KRIT1: variants seen among roughly 807,000 people sequenced by gnomAD.
KRIT1 encodes krev interaction trapped protein 1.
A neutral mutation model predicts 95.8 loss-of-function variants in KRIT1; 45 were observed. That is an observed-to-expected ratio of 0.47 (90% CI 0.37 to 0.60). KRIT1 has a LOEUF of 0.60. Ranked by LOEUF, KRIT1 falls within the 20% of genes least tolerant of loss-of-function variation. KRIT1 has a pLI of 0.00. For missense variants in KRIT1, 788 were observed against 877.5 expected, an observed-to-expected ratio of 0.90 and a Z score of 1.29; for synonymous variants, 282 against 278.8, an observed-to-expected ratio of 1.01 and a Z score of -0.11.
At chr7:92,212,964 A>C (rs1295259219) in intron 17 of KRIT1, among the ~76,000 whole-genome samples, 4 of 152,298 alleles carry the variant, frequency 2.6e-5, no homozygotes, top group Non-Finnish European at 5.9e-5. Context: ...ATCATTCTAC[A>C]CAAAAATACT....
intron 17 of KRIT1, among the ~76,000 whole-genome samples, chr7:92,203,717 T>C (rs1790735571): frequency 1.3e-5 from 2 of 152,184 alleles, no homozygotes; most frequent in African/African-American, 4.8e-5. Flanking sequence ...CTAACAAACA[T>C]AAAATATAGT....
chr7:92,210,239 G>A (rs1323482217), intron 17 of KRIT1, among the ~76,000 whole-genome samples: 1 of 151,946 alleles, frequency 6.6e-6, no homozygotes, highest in Admixed American at 6.6e-5. Context: ...CAAACCAATA[G>A]TGAGAAAAAA....
rs1422748131 is a variant in KRIT1 at position 92,233,366 on chromosome 7, T to C, written c.989+1083A>G. Among the ~76,000 whole-genome samples, 7 of 151,522 alleles carry C rather than the reference T, an allele frequency of 4.6e-5. No individual in the cohort carries two copies. In the East Asian group the frequency reaches 1.4e-3, roughly 29 times the overall value. On this transcript the variant is annotated intron_variant, in intron 10 of 18. Transcript: ENST00000394505. ...ATTACCTTGCTCAATCTAATACAAC[T>C]AAGACACTGTGGACATTTAACAAGG...
At chr7:92,229,153 G>A (rs1038654534) in intron 10 of KRIT1, among the ~76,000 whole-genome samples, 3 of 152,136 alleles carry the variant, frequency 2.0e-5, no homozygotes, top group African/African-American at 7.2e-5. Flanking sequence ...TTAGCTCTTT[G>A]AGGAATTGCC....
intron 14 of KRIT1, among the ~76,000 whole-genome samples, chr7:92,217,039 T>G (rs1794141371): frequency 6.6e-6 from 1 of 152,192 alleles, no homozygotes; most frequent in Admixed American, 6.5e-5. Flanking sequence ...CCTTACCAGA[T>G]TATCATGACA....
chr7:92,240,099 C>A (rs1412501928), intron 5 of KRIT1, among the ~76,000 whole-genome samples: 1 of 152,092 alleles, frequency 6.6e-6, no homozygotes, highest in Non-Finnish European at 1.5e-5. Context: ...GGGGAAGAAA[C>A]CTATCAGGGA....
chr7:92,241,110 T>G lies in KRIT1; in HGVS notation c.145A>C (p.Arg49=), dbSNP rs1382124919. 1 of 1,610,992 alleles carries G rather than the reference T, an allele frequency of 6.2e-7. No individual in the cohort carries two copies. The highest frequency in any genetic ancestry group is 8.5e-7 in the Non-Finnish European group (1 of 1,177,164). ...EVPIEGQKKK[R]KKVLLETKLQ... is the part of the protein sequence containing the mutation. Reference sequence around the variant, plus strand: ...TTCGTTTCCAATAAAACTTTCTTTCTCTTTTTTTTCTGTCCTTCAATGGGA... The same window carrying G: ...TTCGTTTCCAATAAAACTTTCTTTCGCTTTTTTTTCTGTCCTTCAATGGGA... The change falls in exon 5 of 19, where the codon AGA becomes CGA. Residue 49 remains arginine (R), a synonymous_variant. Transcript: ENST00000394505.
In KRIT1 at chr7:92,235,302, C is replaced by CATGTTTATA. The variant is rs1480492519; in HGVS notation, c.729+92_729+100dup. On this transcript the variant is annotated intron_variant, in intron 8 of 18. Coordinates refer to ENST00000394505, the MANE Select transcript of KRIT1 (RefSeq NM_194454.3). ...GGCGTGAGCCACTGTACCAGGCCTT[C>CATGTTTATA]ATGTTTATAATTAGTAATAGATGTA... The CATGTTTATA allele has an allele frequency of 1.8e-5, 22 of 1,220,884 alleles. 2 individuals are homozygous for CATGTTTATA. The African/African-American group carries it at 2.5e-4, about 14-fold the overall frequency. The allele number at this position is 1,220,884 out of a possible 1,614,324, so 75.6% of individuals were successfully genotyped here. A position where few individuals can be genotyped will look rare whatever the true frequency, so the allele number is the denominator to read the frequency against.
intron 8 of KRIT1, 75 bp downstream of exon 8, chr7:92,235,328 T>C (rs1232085911): frequency 3.5e-6 from 5 of 1,417,980 alleles, no homozygotes; most frequent in Admixed American, 1.7e-5. Flanking sequence ...AATAGATGTA[T>C]ATATCTCAGG....
chr7:92,221,038 A>C (rs1023375622), intron 14 of KRIT1, among the ~76,000 whole-genome samples: 5 of 152,100 alleles, frequency 3.3e-5, no homozygotes, highest in African/African-American at 1.2e-4. Flanking sequence ...TAAAATCCAC[A>C]GTAGTTCAAA....
At chr7:92,228,557 G>C (rs1159912282) in intron 10 of KRIT1, among the ~76,000 whole-genome samples, 1 of 152,094 alleles carries the variant, frequency 6.6e-6, no homozygotes, top group Non-Finnish European at 1.5e-5. Flanking sequence ...GTTTTACTCA[G>C]GTGATTTGTT....
In KRIT1 at chr7:92,209,893, T is replaced by C. The variant is rs544505663; in HGVS notation, c.2025+3302A>G. Reference sequence around the variant, plus strand: ...GCCTGGCCAACATAGTGAAACCCTGTCTCTACTAAAAATACAAAAGAAAAA... The same window carrying C: ...GCCTGGCCAACATAGTGAAACCCTGCCTCTACTAAAAATACAAAAGAAAAA... On this transcript the variant is annotated intron_variant, in intron 17 of 18. Transcript: ENST00000394505. 2.6e-4 allele frequency among the ~76,000 whole-genome samples: 40 copies of C among 151,984 alleles called. 1 individual carries two copies. Among genetic ancestry groups the C allele is most frequent in the Middle Eastern group, 3.4e-3 (1 of 294 alleles).
At chr7:92,235,322 G>T in intron 8 of KRIT1, 81 bp downstream of exon 8, 2 of 1,339,598 alleles carry the variant, frequency 1.5e-6, no homozygotes, top group Non-Finnish European at 2.1e-6. Flanking sequence ...ATTAGTAATA[G>T]ATGTATATAT....
chr7:92,246,065 T>TGGTGGCGGTGGG (rs1800950499), upstream of KRIT1: 1 of 279,214 alleles, frequency 3.6e-6, no homozygotes, highest in East Asian at 1.7e-4. Flanking sequence ...GAGACTAGGG[T>TGGTGGCGGTGGG]GGTGGCGGTG....
chr7:92,240,893 G>C (rs1447133800), intron 5 of KRIT1, 100 bp downstream of exon 5: 1 of 958,434 alleles, frequency 1.0e-6, no homozygotes, highest in Non-Finnish European at 1.7e-6. Flanking sequence ...AAATGTAAAG[G>C]AACATAAAAA....
chr7:92,233,241 C>CA (rs1797703849), intron 10 of KRIT1, among the ~76,000 whole-genome samples: 1 of 151,478 alleles, frequency 6.6e-6, no homozygotes, highest in Admixed American at 6.6e-5. Context: ...ATATTAAAAT[C>CA]AGATAAATCA....
chr7:92,212,367 A>G (rs2131295376), intron 17 of KRIT1, among the ~76,000 whole-genome samples: 1 of 152,312 alleles, frequency 6.6e-6, no homozygotes, highest in East Asian at 1.9e-4. Context: ...AAGTTGCAAA[A>G]TGGCATTGTT....
At position 92,200,712 on chromosome 7, in the gene KRIT1, G is replaced by C; in HGVS notation, c.*24C>G. ...AAACTCTGCATTACAAAATGTGGTGGCTTGAGTAACAGTTACTTCTCTTTC... is the reference window on the plus strand; with the variant it reads ...AAACTCTGCATTACAAAATGTGGTGCCTTGAGTAACAGTTACTTCTCTTTC... On this transcript the variant is annotated 3_prime_UTR_variant, in exon 19 of 19. Coordinates refer to ENST00000394505, the MANE Select transcript of KRIT1 (RefSeq NM_194454.3). 1 of 1,465,478 alleles carries C rather than the reference G, an allele frequency of 6.8e-7. No individual in the cohort carries two copies. The highest frequency in any genetic ancestry group is 9.6e-7 in the Non-Finnish European group (1 of 1,044,374). 90.8% of individuals were successfully genotyped at this position (1,465,478 alleles called of 1,614,324 possible).
chr7:92,227,969 C>T (rs113705627), intron 10 of KRIT1, among the ~76,000 whole-genome samples: 7,334 of 152,038 alleles, frequency 0.048, 238 homozygotes, highest in Non-Finnish European at 0.074. Flanking sequence ...CCAGAGATCG[C>T]GCCATTGCAC....
Sources: allele counts gnomAD v4.1 joint callset (sites outside exome capture counted in the v4.1 genomes callset), GRCh38; gene constraint gnomAD v4.1.1; transcripts MANE v1.5; gene names NCBI Gene and HGNC (gene_info 2026-07-23, HGNC 2026-07-21).